NLRP4: variants seen among roughly 807,000 people sequenced by gnomAD.
NLRP4 encodes the protein NLR family pyrin domain containing 4, also known as NACHT, LRR and PYD domains-containing protein 4.
In NLRP4, 44 loss-of-function variants were observed where a neutral mutation model predicts 84.7. The observed-to-expected ratio is 0.52, with a 90% CI of 0.41 to 0.67. The LOEUF (loss-of-function observed/expected upper bound fraction) is 0.67. Ranked by LOEUF, NLRP4 falls within the 30% of genes least tolerant of loss-of-function variation. The pLI, the probability that NLRP4 is intolerant of heterozygous loss-of-function variation, is 0.00. For missense variants in NLRP4, 1,260 were observed against 1,219.4 expected, an observed-to-expected ratio of 1.03 and a Z score of -0.50; for synonymous variants, 544 against 476.4, an observed-to-expected ratio of 1.14 and a Z score of -1.85.
At chr19:55,864,069 A>C (rs574225500) in intron 5 of NLRP4, among the ~76,000 whole-genome samples, 9 of 152,324 alleles carry the variant, frequency 5.9e-5, no homozygotes, top group African/African-American at 1.9e-4. Context: ...TGTACTTCAT[A>C]TATTTTAAGA....
chr19:55,867,401 T>C (rs1985000700), intron 5 of NLRP4, among the ~76,000 whole-genome samples: 1 of 149,810 alleles, frequency 6.7e-6, no homozygotes, highest in Admixed American at 6.6e-5. Flanking sequence ...GTGTCTCAGG[T>C]TGGCTGTCTC....
intron 3 of NLRP4, among the ~76,000 whole-genome samples, chr19:55,859,952 A>AAC (rs1984672149): frequency 1.4e-5 from 1 of 69,892 alleles, no homozygotes. Context: ...AAAAAAAAAA[A>AAC]CAAAACACAA....
rs796780820 is a variant in NLRP4 at position 55,875,272 on chromosome 19, T to G, written c.2526-1724T>G. On this transcript the variant is annotated intron_variant, in intron 7 of 9. Transcript: ENST00000301295. Reference sequence around the variant, plus strand: ...TAAGAAAAACACTAAACCTGTAATCTTTGAAGAAACACCTAATTCTATACA... The same window carrying G: ...TAAGAAAAACACTAAACCTGTAATCGTTGAAGAAACACCTAATTCTATACA... 7.4e-4 allele frequency among the ~76,000 whole-genome samples: 112 copies of G among 152,284 alleles called. 1 individual carries two copies. Among genetic ancestry groups the G allele is most frequent in the African/African-American group, 2.6e-3 (108 of 41,570 alleles).
chr19:55,870,317 T>G (rs543951906), intron 6 of NLRP4, among the ~76,000 whole-genome samples: 17 of 152,322 alleles, frequency 1.1e-4, no homozygotes, highest in African/African-American at 4.1e-4. Flanking sequence ...ACGATACTTT[T>G]TCCTTCTGCA....
At chr19:55,839,226 A>G (rs555565916) in intron 1 of NLRP4, among the ~76,000 whole-genome samples, 9 of 151,824 alleles carry the variant, frequency 5.9e-5, no homozygotes, top group Non-Finnish European at 1.2e-4. Flanking sequence ...GAGAACATGC[A>G]GTGTTTGGTT....
intron 5 of NLRP4, among the ~76,000 whole-genome samples, chr19:55,865,377 C>G (rs1200306783): frequency 6.6e-6 from 1 of 152,170 alleles, no homozygotes; most frequent in Non-Finnish European, 1.5e-5. Flanking sequence ...TTTTCTTTAT[C>G]TAGCCCACTG....
intron 1 of NLRP4, among the ~76,000 whole-genome samples, chr19:55,840,024 A>G (rs1409490913): frequency 6.6e-6 from 1 of 152,134 alleles, no homozygotes; most frequent in Non-Finnish European, 1.5e-5. Flanking sequence ...ATTCTGACTT[A>G]AATTATGATC....
chr19:55,849,754 T>G (rs989314664), intron 1 of NLRP4, among the ~76,000 whole-genome samples: 2 of 149,802 alleles, frequency 1.3e-5, no homozygotes, highest in African/African-American at 5.0e-5. Flanking sequence ...TATTTAAAAG[T>G]AAAAATGTAA....
intron 1 of NLRP4, among the ~76,000 whole-genome samples, 171 bp downstream of exon 1, chr19:55,837,105 A>G (rs1315894633): frequency 6.6e-6 from 1 of 152,196 alleles, no homozygotes; most frequent in Non-Finnish European, 1.5e-5. Context: ...TTAGCTGCAG[A>G]GAGATGTGTT....
intron 7 of NLRP4, 137 bp from the exon 8 acceptor site, chr19:55,876,859 G>A: frequency 1.6e-6 from 1 of 632,962 alleles, no homozygotes; most frequent in Non-Finnish European, 2.8e-6. Flanking sequence ...TCTGCCACTA[G>A]TTGAATCTGT....
At chr19:55,839,917 T>C (rs1244015045) in intron 1 of NLRP4, among the ~76,000 whole-genome samples, 1 of 152,214 alleles carries the variant, frequency 6.6e-6, no homozygotes, top group African/African-American at 2.4e-5. Flanking sequence ...ACATTAAATA[T>C]TCAGTTCAAA....
In NLRP4 at chr19:55,878,948, GC is replaced by G; in HGVS notation, c.2854del (p.Leu952CysfsTer6). 4 of 1,613,260 alleles carry G rather than the reference GC, an allele frequency of 2.5e-6. No homozygotes were observed. The highest frequency in any genetic ancestry group is 3.4e-6 in the Non-Finnish European group (4 of 1,179,396). ...LCEALRHPEC[A>X]LQVLGLRKTD... is the part of the protein sequence containing the mutation. ...TGAGGCCCTGAGACACCCAGAGTGT[GC>G]CCTGCAGGTGCTCGGGTGAGCTGGG... On this transcript the variant is annotated frameshift_variant, in exon 9 of 10. Coordinates refer to ENST00000301295, the MANE Select transcript of NLRP4 (RefSeq NM_134444.5). LOFTEE classifies it low-confidence loss of function (END_TRUNC).
chr19:55,840,592 G>GT (rs1983576636), intron 1 of NLRP4, among the ~76,000 whole-genome samples: 1 of 152,098 alleles, frequency 6.6e-6, no homozygotes, highest in Admixed American at 6.6e-5. Context: ...TAGAGACGGG[G>GT]TTTTACCATG....
In NLRP4 at chr19:55,858,197, G is replaced by A; in HGVS notation, c.804G>A (p.Lys268=). ...QVLLSSLLRK[K]MLPEASLLIA... ...TTCTGAGCAGTTTGCTGAGGAAGAA[G>A]ATGCTCCCGGAGGCCTCCCTGCTCA... is the stretch of plus-strand genomic sequence containing the variant. Residue 268 remains lysine (K), a synonymous_variant, in exon 3 of 10, where the codon AAG becomes AAA. Transcript: ENST00000301295. This position sits in a 1 kb window ranked among gnomAD's most constrained non-coding sequence, Gnocchi z 4.2. 6.2e-7 allele frequency: 1 copy of A among 1,614,192 alleles called. No individual in the cohort carries two copies. The highest frequency in any genetic ancestry group is 8.5e-7 in the Non-Finnish European group (1 of 1,180,034).
intron 2 of NLRP4, among the ~76,000 whole-genome samples, chr19:55,855,056 T>C (rs539271897): frequency 6.6e-6 from 1 of 152,184 alleles, no homozygotes; most frequent in African/African-American, 2.4e-5. Context: ...AATTCCCCCA[T>C]GTTTCCTGGA....
intron 2 of NLRP4, among the ~76,000 whole-genome samples, chr19:55,857,184 TATC>T (rs1293260112): frequency 6.6e-6 from 1 of 152,260 alleles, no homozygotes; most frequent in Non-Finnish European, 1.5e-5. Context: ...TTTATTTTGC[TATC>T]ATCGTAGCAA....
In NLRP4 at chr19:55,868,123, G is replaced by C. The variant is rs115002394; in HGVS notation, c.2354+247G>C. Among the ~76,000 whole-genome samples the C allele has an allele frequency of 9.2e-3, 1,395 of 152,352 alleles. 32 individuals are homozygous for C. Among genetic ancestry groups the C allele is most frequent in the African/African-American group, 0.032 (1,322 of 41,572 alleles). ...TAGAGGTCTTATGGCTATCAAGTGA[G>C]ACTGTCTATACAGAACACGTACTGT... On this transcript the variant is annotated intron_variant, in intron 6 of 9. Transcript: ENST00000301295.
rs1426670596 is a variant in NLRP4, at chr19:55,852,364, A to G, written c.280+4A>G. 1 of 1,577,406 alleles carries G rather than the reference A, an allele frequency of 6.3e-7. No homozygotes were observed. On this transcript the variant is annotated splice_donor_region_variant and intron_variant, in intron 2 of 9. Transcript: ENST00000301295. ...AAGGTCATGAGGGAGAGAACAGGTG[A>G]GGGAGTCTGGGAAGGGGGAAGCCTT...
chr19:55,842,824 A>G (rs553033986), intron 1 of NLRP4, among the ~76,000 whole-genome samples: 1 of 151,846 alleles, frequency 6.6e-6, no homozygotes, highest in Non-Finnish European at 1.5e-5. Context: ...GAGAGGTGCG[A>G]TCTCAGCTCA....
Sources: gnomAD v4.1 joint callset for allele counts (sites outside exome capture counted in the v4.1 genomes callset) on GRCh38, gnomAD v4.1.1 for gene constraint, Gnocchi (gnomAD v3.1) non-coding constraint, MANE v1.5 for transcripts, NCBI Gene and HGNC (gene_info 2026-07-23, HGNC 2026-07-21) for gene names.